The following ABHD6 variants were observed in gnomAD, a reference collection of about 807,000 sequenced individuals.
ABHD6 encodes monoacylglycerol lipase ABHD6.
ABHD6 carries 33 observed loss-of-function variants against 38.8 expected under a neutral mutation model. The ratio of observed to expected loss-of-function variants is 0.85; its 90% confidence interval spans 0.64 to 1.14. The LOEUF is 1.14. ABHD6 is among the 50% of genes most tolerant of loss of function. The probability of loss-of-function intolerance (pLI) is 0.00; values close to 1 mark genes in which losing one functional copy is unlikely to be tolerated. For missense variants in ABHD6, 380 were observed against 422.6 expected, an observed-to-expected ratio of 0.90 and a Z score of 0.88; for synonymous variants, 147 against 161.6, an observed-to-expected ratio of 0.91 and a Z score of 0.69.
chr3:58,267,103 C>A lies in ABHD6; in HGVS notation c.120-86C>A. The A allele has an allele frequency of 7.0e-7, 1 of 1,419,952 alleles. No individual in the cohort carries two copies. The highest frequency in any genetic ancestry group is 9.7e-7 in the Non-Finnish European group (1 of 1,028,448). The allele number at this position is 1,419,952 out of a possible 1,614,324, so 88.0% of individuals were successfully genotyped here. A position where few individuals can be genotyped will look rare whatever the true frequency, so the allele number is the denominator to read the frequency against. On this transcript the variant is annotated intron_variant, in intron 3 of 9. Transcript: ENST00000478253. The surrounding 1 kb of genome is among the most constrained non-coding windows in gnomAD (Gnocchi z 4.3). ...GTGTTTGTGTTATCACTAAGGAAGA[C>A]TTATAGAGAGGACCTGTGCCCATCT...
chr3:58,267,282 AC>A lies in ABHD6; in HGVS notation c.216del (p.Ser73ProfsTer49), dbSNP rs1223162285. The A allele has an allele frequency of 6.2e-7, 1 of 1,613,794 alleles. No individual in the cohort carries two copies. The highest frequency in any genetic ancestry group is 8.5e-7 in the Non-Finnish European group (1 of 1,179,954). ...CCTTCCGGGGCAGGCCTGGGCACAAACCCTCCATCCTCATGCTCCACGGATT... is the reference window on the plus strand; with the variant it reads ...CCTTCCGGGGCAGGCCTGGGCACAAACCTCCATCCTCATGCTCCACGGATT... ...YSFRGRPGHK[P>X]SILMLHGFSA... On this transcript the variant is annotated frameshift_variant, in exon 4 of 10. Coordinates refer to ENST00000478253, the MANE Select transcript of ABHD6 (RefSeq NM_001320126.2). LOFTEE classifies it high-confidence loss of function. The surrounding 1 kb of genome is among the most constrained non-coding windows in gnomAD (Gnocchi z 4.3).
chr3:58,255,121 G>A (rs1200872168), intron 2 of ABHD6, among the ~76,000 whole-genome samples: 1 of 152,174 alleles, frequency 6.6e-6, no homozygotes, highest in East Asian at 1.9e-4. Flanking sequence ...CCCCAATGGT[G>A]TGTCAGGTCT....
intron 2 of ABHD6, among the ~76,000 whole-genome samples, chr3:58,254,844 A>G (rs2097432191): frequency 1.7e-5 from 2 of 119,100 alleles, no homozygotes; most frequent in South Asian, 6.1e-4. Flanking sequence ...ATACATATAT[A>G]TGTGTATACA....
rs2097443364 is a variant in ABHD6 at position 58,269,558 on chromosome 3, A to G, written c.390+124A>G. The stretch of plus-strand genomic sequence containing the variant: ...GACCAGTCTCCTGTACATTCTGTCT[A>G]CAAGTGATGGCAAGCCAAATGGCAA... On this transcript the variant is annotated intron_variant, in intron 5 of 9. Coordinates refer to ENST00000478253, the MANE Select transcript of ABHD6 (RefSeq NM_001320126.2). The surrounding 1 kb of genome is among the most constrained non-coding windows in gnomAD (Gnocchi z 4.4). 2 of 732,676 alleles carry G rather than the reference A, an allele frequency of 2.7e-6. No individual in the cohort carries two copies. The highest frequency in any genetic ancestry group is 1.9e-5 in the South Asian group (1 of 53,978). The allele number at this position is 732,676 out of a possible 1,614,324, so 45.4% of individuals were successfully genotyped here.
rs371676754 is a variant in ABHD6, at chr3:58,256,161, C to T, written c.-25-401C>T. ...ACCTTTAAAAGTGAGTAGCAGATACCATTATACTTCACCCCTTACAACTTC... is the reference window on the plus strand; with the variant it reads ...ACCTTTAAAAGTGAGTAGCAGATACTATTATACTTCACCCCTTACAACTTC... On this transcript the variant is annotated intron_variant, in intron 2 of 9. Coordinates refer to ENST00000478253, the MANE Select transcript of ABHD6 (RefSeq NM_001320126.2). This position sits in a 1 kb window ranked among gnomAD's most constrained non-coding sequence, Gnocchi z 4.3. Among the ~76,000 whole-genome samples the T allele has an allele frequency of 6.6e-6, 1 of 151,122 alleles. No individual in the cohort carries two copies. The highest frequency in any genetic ancestry group is 2.0e-4 in the East Asian group (1 of 5,106).
chr3:58,240,082 G>A (rs2097421724), intron 1 of ABHD6, among the ~76,000 whole-genome samples: 1 of 151,812 alleles, frequency 6.6e-6, no homozygotes, highest in Admixed American at 6.6e-5. Context: ...AGCCTGGGAG[G>A]TCAAGGCTGC....
intron 1 of ABHD6, among the ~76,000 whole-genome samples, chr3:58,243,333 C>A (rs1044261447): frequency 6.6e-6 from 1 of 152,112 alleles, no homozygotes; most frequent in Admixed American, 6.5e-5. Flanking sequence ...TTTACAGTCC[C>A]GCCCAGCCAG....
chr3:58,290,521 A>AC (rs1490259829), intron 9 of ABHD6, among the ~76,000 whole-genome samples: 3 of 89,628 alleles, frequency 3.3e-5, no homozygotes, highest in African/African-American at 1.5e-4. Context: ...GCAGGGGCTG[A>AC]CCCCCCACCT....
chr3:58,285,014 T>G lies in ABHD6; in HGVS notation c.682-71T>G. 2 of 1,426,950 alleles carry G rather than the reference T, an allele frequency of 1.4e-6. No individual in the cohort carries two copies. The highest frequency in any genetic ancestry group is 2.0e-6 in the Non-Finnish European group (2 of 1,009,306). 88.4% of individuals were successfully genotyped at this position (1,426,950 alleles called of 1,614,324 possible). A position where few individuals can be genotyped will look rare whatever the true frequency, so the allele number is the denominator to read the frequency against. On this transcript the variant is annotated intron_variant, in intron 7 of 9. Transcript: ENST00000478253. This position sits in a 1 kb window ranked among gnomAD's most constrained non-coding sequence, Gnocchi z 4.9. ...TGCTGGACCTCATTCCCATTCATTG[T>G]CCCAGAGCTGTGAGAGGCCTGAGGA...
Position 58,285,359 on chromosome 3 carries a change from T to A in ABHD6, c.743T>A (p.Leu248Ter). 6.2e-7 allele frequency: 1 copy of A among 1,614,178 alleles called. No homozygotes were observed. Among genetic ancestry groups the A allele is most frequent in the East Asian group, 2.2e-5 (1 of 44,882 alleles). The change falls in exon 9 of 10, where the codon TTG becomes TAG. Residue 248 changes from leucine to a stop codon, truncating the protein, a stop_gained. Transcript: ENST00000478253. LOFTEE classifies it high-confidence loss of function. The surrounding 1 kb of genome is among the most constrained non-coding windows in gnomAD (Gnocchi z 4.9). ...PHNNFYRKLF[L>*]EIVSEKSRYS... ...GTTTTCCTTTTCTGACAAGTGTTTT[T>A]GGAAATCGTCAGTGAGAAGTCCAGA... is the stretch of plus-strand genomic sequence containing the variant.
chr3:58,292,824 G>A lies in ABHD6; in HGVS notation c.838-765G>A, dbSNP rs1396181074. 2.0e-5 allele frequency among the ~76,000 whole-genome samples: 3 copies of A among 152,160 alleles called. No homozygotes were observed. The East Asian group carries it at 5.8e-4, about 29-fold the overall frequency. ...CCCAGCTACTGGGGAGGCTGAGGCA[G>A]AAGATCACTTGAACCTGGGAGGCGG... On this transcript the variant is annotated intron_variant, in intron 9 of 9. Transcript: ENST00000478253.
chr3:58,244,121 G>A (rs528352391), intron 1 of ABHD6, among the ~76,000 whole-genome samples: 2 of 152,218 alleles, frequency 1.3e-5, no homozygotes, highest in Non-Finnish European at 2.9e-5. Flanking sequence ...GTCGTCAGAT[G>A]TTTTGCAAAT....
At chr3:58,241,404 G>A (rs78946263) in intron 1 of ABHD6, among the ~76,000 whole-genome samples, 2,042 of 152,258 alleles carry the variant, frequency 0.013, 47 homozygotes, top group African/African-American at 0.047. Flanking sequence ...GCTTCTGTGC[G>A]GCTCTCTGGT....
intron 1 of ABHD6, among the ~76,000 whole-genome samples, chr3:58,247,876 T>C (rs7614136): frequency 0.19 from 28,716 of 152,270 alleles, 4,394 homozygotes; most frequent in East Asian, 0.79. Context: ...GCCCAGCCTA[T>C]ATTGTAATTT....
At chr3:58,253,964 G>T (rs1229282271) in intron 2 of ABHD6, among the ~76,000 whole-genome samples, 1 of 152,198 alleles carries the variant, frequency 6.6e-6, no homozygotes, top group Non-Finnish European at 1.5e-5. Flanking sequence ...GCTGTGAGGT[G>T]CTTGCTAGGC....
chr3:58,260,925 C>G (rs2097436507), intron 3 of ABHD6, among the ~76,000 whole-genome samples: 1 of 152,172 alleles, frequency 6.6e-6, no homozygotes, highest in Non-Finnish European at 1.5e-5. Flanking sequence ...CTCTCTGGGT[C>G]TAAGTGTCCC....
chr3:58,288,076 C>T (rs891630997), intron 9 of ABHD6, among the ~76,000 whole-genome samples: 2 of 152,156 alleles, frequency 1.3e-5, no homozygotes, highest in African/African-American at 4.8e-5. Flanking sequence ...ATTCTATGGG[C>T]TTGCTATAAA....
intron 2 of ABHD6, among the ~76,000 whole-genome samples, chr3:58,253,053 T>C (rs1453104440): frequency 2.0e-5 from 3 of 152,196 alleles, no homozygotes; most frequent in Non-Finnish European, 4.4e-5. Context: ...GATCATGTTC[T>C]ACAAAAGCTG....
chr3:58,248,844 C>T (rs1200389642), intron 1 of ABHD6, among the ~76,000 whole-genome samples: 1 of 152,196 alleles, frequency 6.6e-6, no homozygotes, highest in East Asian at 1.9e-4. Flanking sequence ...TTTTCCATAG[C>T]CTCAGCAGCA....
Sources: allele counts gnomAD v4.1 joint callset (sites outside exome capture counted in the v4.1 genomes callset), GRCh38; gene constraint gnomAD v4.1.1; non-coding constraint Gnocchi (gnomAD v3.1); transcripts MANE v1.5; gene names NCBI Gene and HGNC (gene_info 2026-07-23, HGNC 2026-07-21).